Variants in FAT3 observed in about 807,000 individuals in gnomAD.
FAT3 encodes the protein FAT atypical cadherin 3.
Under a neutral mutation model 310.2 loss-of-function variants are expected in FAT3, and 95 were observed. The observed-to-expected ratio is 0.31, with a 90% confidence interval of 0.26 to 0.36. FAT3 has a LOEUF of 0.36. Ranked by LOEUF, FAT3 falls within the 10% of genes least tolerant of loss-of-function variation. The pLI, the probability that FAT3 is intolerant of heterozygous loss-of-function variation, is 1.00. For synonymous variants in FAT3, 2,314 were observed against 2,192.9 expected, an observed-to-expected ratio of 1.06 and a Z score of -1.54; for missense variants, 5,408 against 5,715.6, an observed-to-expected ratio of 0.95 and a Z score of 1.74.
At position 92,891,543 on chromosome 11, in the gene FAT3, A is replaced by G. The variant is rs1949918453; in HGVS notation, c.*430A>G. On this transcript the variant is annotated 3_prime_UTR_variant, in exon 28 of 28. Transcript: ENST00000525166. ...TTTGAGCCAATGAAATGAAAATAGTAGTAATGATTGTTGGAAAAGTTAGTC... is the reference window on the plus strand; with the variant it reads ...TTTGAGCCAATGAAATGAAAATAGTGGTAATGATTGTTGGAAAAGTTAGTC... 2 of 174,716 alleles carry G rather than the reference A, an allele frequency of 1.1e-5. No homozygotes were observed. The highest frequency in any genetic ancestry group is 1.1e-4 in the Admixed American group (2 of 18,558). The allele number at this position is 174,716 out of a possible 1,614,324, so 10.8% of individuals were successfully genotyped here. A position where few individuals can be genotyped will look rare whatever the true frequency, so the allele number is the denominator to read the frequency against.
chr11:92,789,002 A>G (rs1032390495), intron 7 of FAT3, among the ~76,000 whole-genome samples: 2 of 152,308 alleles, frequency 1.3e-5, no homozygotes, highest in Non-Finnish European at 2.9e-5. Flanking sequence ...GATTATGAAT[A>G]TATATATGTG....
rs576970083 is a variant in FAT3, at chr11:92,894,181, C to G, written c.*3068C>G. ...TCATGATCTTATGTTTCCTTGCAGTCCCCCTAGGGAGAGGGGTTATAGAAT... is the reference window on the plus strand; with the variant it reads ...TCATGATCTTATGTTTCCTTGCAGTGCCCCTAGGGAGAGGGGTTATAGAAT... On this transcript the variant is annotated 3_prime_UTR_variant, in exon 28 of 28. Coordinates refer to ENST00000525166, the MANE Select transcript of FAT3 (RefSeq NM_001367949.2). 1 of 152,166 alleles carries G rather than the reference C, an allele frequency of 6.6e-6. No individual in the cohort carries two copies. Among genetic ancestry groups the G allele is most frequent in the African/African-American group, 2.4e-5 (1 of 41,454 alleles). 9.4% of individuals were successfully genotyped at this position (152,166 alleles called of 1,614,324 possible).
intron 3 of FAT3, among the ~76,000 whole-genome samples, chr11:92,545,746 T>C (rs1954596972): frequency 1.3e-5 from 2 of 152,186 alleles, no homozygotes; most frequent in South Asian, 4.1e-4. Context: ...TTCTCTACTG[T>C]CCTGGTTTGC....
chr11:92,257,479 T>G (rs1247197597), intron 1 of FAT3, among the ~76,000 whole-genome samples: 1 of 152,074 alleles, frequency 6.6e-6, no homozygotes, highest in East Asian at 1.9e-4. Flanking sequence ...CGGACATAAT[T>G]ACCTAATGGA....
intron 3 of FAT3, among the ~76,000 whole-genome samples, chr11:92,557,941 G>T (rs563475): frequency 4.2e-4 from 64 of 152,278 alleles, no homozygotes; most frequent in Non-Finnish European, 8.1e-4. Flanking sequence ...GAGCCTGAAG[G>T]CTCTTGCCAC....
chr11:92,317,585 T>C (rs1947497184), intron 1 of FAT3, among the ~76,000 whole-genome samples: 1 of 152,246 alleles, frequency 6.6e-6, no homozygotes. Context: ...TGAAGTCTAT[T>C]GCAGGTATCT....
intron 4 of FAT3, among the ~76,000 whole-genome samples, chr11:92,753,435 C>T (rs1045422966): frequency 1.3e-5 from 2 of 152,058 alleles, no homozygotes; most frequent in African/African-American, 2.4e-5. Context: ...GCTGGGGCAA[C>T]GTGGAAGAGG....
intron 2 of FAT3, among the ~76,000 whole-genome samples, chr11:92,480,282 A>G (rs1481195047): frequency 3.3e-5 from 5 of 152,104 alleles, no homozygotes; most frequent in Non-Finnish European, 5.9e-5. Flanking sequence ...AAAACAAAAC[A>G]AAACAGTGCC....
At chr11:92,640,839 T>G (rs1394733182) in intron 3 of FAT3, among the ~76,000 whole-genome samples, 7 of 152,270 alleles carry the variant, frequency 4.6e-5, no homozygotes, top group South Asian at 2.1e-4. Context: ...GCACAGTTGG[T>G]GAATGTGAAT....
chr11:92,757,663 G>A (rs954868487), intron 4 of FAT3, among the ~76,000 whole-genome samples: 9 of 152,212 alleles, frequency 5.9e-5, no homozygotes, highest in African/African-American at 2.2e-4. Context: ...TGGCAGGGCA[G>A]ATGAATGGGT....
chr11:92,452,943 T>C (rs1951399586), intron 2 of FAT3, among the ~76,000 whole-genome samples: 1 of 151,974 alleles, frequency 6.6e-6, no homozygotes, highest in African/African-American at 2.4e-5. Flanking sequence ...CCAGCTAATT[T>C]TTGTATTTTT....
chr11:92,824,633 T>A (rs188353964), intron 13 of FAT3, among the ~76,000 whole-genome samples: 1 of 152,200 alleles, frequency 6.6e-6, no homozygotes, highest in Non-Finnish European at 1.5e-5. Flanking sequence ...TTATTTCTCA[T>A]GTACATAATT....
chr11:92,656,488 G>T (rs918991754), intron 3 of FAT3, among the ~76,000 whole-genome samples: 1 of 152,168 alleles, frequency 6.6e-6, no homozygotes, highest in Non-Finnish European at 1.5e-5. Context: ...CCTGCTCATT[G>T]CATGTAGACA....
Position 92,623,974 on chromosome 11 carries a change from G to A in FAT3, c.3608-73410G>A, listed in dbSNP as rs531414616. Reference sequence around the variant, plus strand: ...AAAAAAAATTAAAATCGCTTACCCCGTATAACAGATATTTATGAAACTATT... The same window carrying A: ...AAAAAAAATTAAAATCGCTTACCCCATATAACAGATATTTATGAAACTATT... On this transcript the variant is annotated intron_variant, in intron 3 of 27. Coordinates refer to ENST00000525166, the MANE Select transcript of FAT3 (RefSeq NM_001367949.2). Among the ~76,000 whole-genome samples, 76 of 152,128 alleles carry A rather than the reference G, an allele frequency of 5.0e-4. No individual in the cohort carries two copies. In the South Asian group the frequency reaches 0.014, roughly 29 times the overall value.
intron 4 of FAT3, among the ~76,000 whole-genome samples, chr11:92,742,261 G>C (rs752694364): frequency 2.0e-5 from 3 of 152,232 alleles, no homozygotes; most frequent in Non-Finnish European, 4.4e-5. Context: ...TGGTCTCTGA[G>C]AAGGCATCAT....
At chr11:92,569,177 C>G (rs1343939933) in intron 3 of FAT3, among the ~76,000 whole-genome samples, 1 of 152,114 alleles carries the variant, frequency 6.6e-6, no homozygotes, top group Non-Finnish European at 1.5e-5. Flanking sequence ...CTGGAGCAAT[C>G]CCTGCTCTAC....
intron 3 of FAT3, among the ~76,000 whole-genome samples, chr11:92,635,234 AT>A (rs201831384): frequency 2.4e-4 from 36 of 150,224 alleles, no homozygotes; most frequent in African/African-American, 5.9e-4. Flanking sequence ...TTAGATTCAG[AT>A]TTTTTTTTTC....
chr11:92,264,388 T>G (rs1467742746), intron 1 of FAT3, among the ~76,000 whole-genome samples: 1 of 152,118 alleles, frequency 6.6e-6, no homozygotes, highest in African/African-American at 2.4e-5. Flanking sequence ...AATAGTTATC[T>G]ATAATGTAAG....
chr11:92,397,132 C>T (rs1040822104), intron 2 of FAT3, among the ~76,000 whole-genome samples: 3 of 152,134 alleles, frequency 2.0e-5, no homozygotes, highest in Non-Finnish European at 4.4e-5. Flanking sequence ...CTCACTTGTG[C>T]CACCAATGTG....
Sources: gnomAD v4.1 joint callset for allele counts (sites outside exome capture counted in the v4.1 genomes callset) on GRCh38, gnomAD v4.1.1 for gene constraint, MANE v1.5 for transcripts, NCBI Gene and HGNC (gene_info 2026-07-23, HGNC 2026-07-21) for gene names.